Variants in NEGR1 observed in about 807,000 individuals in gnomAD.
NEGR1 encodes neuronal growth regulator 1, also known as IgLON family member 4.
A neutral mutation model predicts 40.9 loss-of-function variants in NEGR1; 10 were observed. The observed-to-expected ratio is 0.24, with a 90% CI of 0.15 to 0.42. The LOEUF is 0.42. Among genes scored for constraint, NEGR1 ranks in the 10% least tolerant of loss-of-function variants. The probability of loss-of-function intolerance (pLI) is 1.00; values close to 1 mark genes in which losing one functional copy is unlikely to be tolerated. For missense variants in NEGR1, 352 were observed against 438.9 expected, an observed-to-expected ratio of 0.80 and a Z score of 1.77; for synonymous variants, 185 against 166.8, an observed-to-expected ratio of 1.11 and a Z score of -0.84.
rs1468510346 is a variant in NEGR1, at chr1:71,907,854, A to G, written c.409+27225T>C. ...GAACAAAATCATGTCCTTTGCAGCAACATGGATGCAGCTGGAGGCCATTGT... is the reference window on the plus strand; with the variant it reads ...GAACAAAATCATGTCCTTTGCAGCAGCATGGATGCAGCTGGAGGCCATTGT... On this transcript the variant is annotated intron_variant, in intron 2 of 6. Transcript: ENST00000357731. Among the ~76,000 whole-genome samples the G allele has an allele frequency of 2.6e-5, 4 of 152,150 alleles. No individual in the cohort carries two copies. In the East Asian group the frequency reaches 7.7e-4, roughly 29 times the overall value.
chr1:71,545,160 A>G (rs1647848640), intron 6 of NEGR1, among the ~76,000 whole-genome samples: 1 of 151,636 alleles, frequency 6.6e-6, no homozygotes, highest in Non-Finnish European at 1.5e-5. Flanking sequence ...CCCTTCATCT[A>G]GTAGTGGGGG....
chr1:71,657,098 A>C (rs1160687934), intron 4 of NEGR1, among the ~76,000 whole-genome samples: 5 of 152,216 alleles, frequency 3.3e-5, no homozygotes, highest in Admixed American at 3.3e-4. Context: ...GGAAATCTGA[A>C]ACAGCAGTCC....
intron 1 of NEGR1, among the ~76,000 whole-genome samples, chr1:72,204,303 A>T (rs1272202113): frequency 1.3e-5 from 2 of 152,248 alleles, no homozygotes; most frequent in Admixed American, 6.6e-5. Flanking sequence ...TGAGAAAAAA[A>T]TATCCATTTC....
chr1:71,578,289 AC>A (rs1391564008), intron 6 of NEGR1, among the ~76,000 whole-genome samples: 1 of 152,138 alleles, frequency 6.6e-6, no homozygotes, highest in Non-Finnish European at 1.5e-5. Flanking sequence ...ATAAAATGAA[AC>A]AAAAAACAAC....
intron 6 of NEGR1, among the ~76,000 whole-genome samples, chr1:71,492,379 A>G (rs1338085287): frequency 6.6e-6 from 1 of 152,068 alleles, no homozygotes; most frequent in Non-Finnish European, 1.5e-5. Context: ...AAAGCCATCA[A>G]TTAAACGTTT....
At chr1:71,662,715 A>G (rs1652107781) in intron 4 of NEGR1, among the ~76,000 whole-genome samples, 1 of 151,420 alleles carries the variant, frequency 6.6e-6, no homozygotes, top group Non-Finnish European at 1.5e-5. Flanking sequence ...ATAAAATAGA[A>G]ATGGAAATAC....
At chr1:72,140,793 A>T (rs956754428) in intron 1 of NEGR1, among the ~76,000 whole-genome samples, 1 of 151,978 alleles carries the variant, frequency 6.6e-6, no homozygotes, top group Admixed American at 6.6e-5. Flanking sequence ...ATTGGACTTG[A>T]TATATTATTC....
chr1:72,174,182 T>A lies in NEGR1; in HGVS notation c.176+108137A>T, dbSNP rs910082456. Among the ~76,000 whole-genome samples, 28 of 152,130 alleles carry A rather than the reference T, an allele frequency of 1.8e-4. 1 individual carries two copies. The highest frequency in any genetic ancestry group is 1.8e-3 in the Admixed American group (27 of 15,270). On this transcript the variant is annotated intron_variant, in intron 1 of 6. Transcript: ENST00000357731. ...TTGCAACTTTCTTAACGTAGACTGT[T>A]TTTTAGAGAAGTTTTAGGTTCACAG...
At chr1:72,099,900 TAC>T (rs1362525942) in intron 1 of NEGR1, among the ~76,000 whole-genome samples, 3 of 149,672 alleles carry the variant, frequency 2.0e-5, no homozygotes, top group East Asian at 1.9e-4. Flanking sequence ...TATATATATA[TAC>T]ACACACACAC....
intron 1 of NEGR1, among the ~76,000 whole-genome samples, chr1:72,071,844 T>C (rs1647475462): frequency 6.6e-6 from 1 of 152,166 alleles, no homozygotes; most frequent in Non-Finnish European, 1.5e-5. Context: ...CTTCACTCTG[T>C]AGTCCTTCTC....
intron 4 of NEGR1, among the ~76,000 whole-genome samples, chr1:71,660,579 T>C (rs1247678787): frequency 6.6e-6 from 1 of 152,190 alleles, no homozygotes; most frequent in Admixed American, 6.5e-5. Context: ...TTCAATGTGT[T>C]CACATAAGCT....
At chr1:71,699,990 CCT>C (rs1326489790) in intron 3 of NEGR1, among the ~76,000 whole-genome samples, 4 of 151,910 alleles carry the variant, frequency 2.6e-5, no homozygotes, top group Non-Finnish European at 5.9e-5. Context: ...TCCGATTAAA[CCT>C]CTTTTTCCTC....
At chr1:71,703,420 A>C (rs1653766344) in intron 3 of NEGR1, 1 of 152,010 alleles carries the variant, frequency 6.6e-6, no homozygotes. Context: ...AAAATGACTA[A>C]ACATTTAAAG....
intron 6 of NEGR1, among the ~76,000 whole-genome samples, chr1:71,429,936 A>G (rs1401760907): frequency 6.6e-6 from 1 of 152,200 alleles, no homozygotes; most frequent in Non-Finnish European, 1.5e-5. Flanking sequence ...TTATTATTCA[A>G]CAAATGTGTT....
intron 1 of NEGR1, among the ~76,000 whole-genome samples, chr1:72,107,803 G>A (rs945076406): frequency 6.6e-6 from 1 of 150,770 alleles, no homozygotes; most frequent in African/African-American, 2.4e-5. Flanking sequence ...ACATATATAT[G>A]CATATATATG....
intron 2 of NEGR1, among the ~76,000 whole-genome samples, chr1:71,783,798 G>C (rs911876340): frequency 1.3e-5 from 2 of 151,834 alleles, no homozygotes; most frequent in African/African-American, 4.8e-5. Flanking sequence ...ATAAAAATCT[G>C]GCAAAATAGG....
intron 3 of NEGR1, among the ~76,000 whole-genome samples, chr1:71,755,586 G>A (rs1451649936): frequency 2.0e-5 from 3 of 152,066 alleles, no homozygotes; most frequent in African/African-American, 7.2e-5. Context: ...TTTGTCCCAT[G>A]CCCACTGACT....
chr1:71,557,931 G>C (rs1648305040), intron 6 of NEGR1, among the ~76,000 whole-genome samples: 1 of 151,292 alleles, frequency 6.6e-6, no homozygotes, highest in South Asian at 2.1e-4. Flanking sequence ...TCATTATCTT[G>C]ACACTTGGAA....
At chr1:71,566,216 C>G (rs770563790) in intron 6 of NEGR1, among the ~76,000 whole-genome samples, 2 of 151,988 alleles carry the variant, frequency 1.3e-5, no homozygotes, top group African/African-American at 4.8e-5. Flanking sequence ...CCCTAGCAAA[C>G]TAATATAGAT....
Sources: gnomAD v4.1 joint callset for allele counts (sites outside exome capture counted in the v4.1 genomes callset) on GRCh38, gnomAD v4.1.1 for gene constraint, MANE v1.5 for transcripts, NCBI Gene and HGNC (gene_info 2026-07-23, HGNC 2026-07-21) for gene names.